SPMIP2: variants seen among roughly 807,000 people sequenced by gnomAD.
SPMIP2 encodes sperm microtubule inner protein 2, also known as protein SPMIP2.
chr4:159,041,405 G>T, the SPMIP2 span, among the ~76,000 whole-genome samples: 19 of 152,176 alleles, frequency 1.2e-4, no homozygotes, highest in Non-Finnish European at 2.4e-4. Context: ...TGTTATAGAA[G>T]CAATAATGGT....
chr4:158,899,982 T>A, the SPMIP2 span, among the ~76,000 whole-genome samples: 1 of 152,230 alleles, frequency 6.6e-6, no homozygotes, highest in Admixed American at 6.5e-5. Context: ...TTGTGGGCAT[T>A]TAGTGCTATA....
At chr4:158,964,561 T>TA in the SPMIP2 span, among the ~76,000 whole-genome samples, 1 of 152,174 alleles carries the variant, frequency 6.6e-6, no homozygotes, top group Non-Finnish European at 1.5e-5. Context: ...TGAGGCATTA[T>TA]AAAAAATGGC....
the SPMIP2 span, among the ~76,000 whole-genome samples, chr4:158,986,679 T>C: frequency 0.011 from 1,629 of 152,208 alleles, 18 homozygotes; most frequent in Middle Eastern, 0.048. Flanking sequence ...ATAAAAACCC[T>C]AGAAGAAAAC....
the SPMIP2 span, among the ~76,000 whole-genome samples, chr4:159,047,606 A>C: frequency 3.9e-5 from 6 of 152,206 alleles, no homozygotes; most frequent in Admixed American, 3.9e-4. Context: ...TCACATTGCC[A>C]CAGATTCTTG....
the SPMIP2 span, among the ~76,000 whole-genome samples, chr4:158,897,651 T>C: frequency 1.3e-5 from 2 of 152,252 alleles, no homozygotes; most frequent in Non-Finnish European, 2.9e-5. Context: ...TTTTGAGAAG[T>C]GTCTGTTCAT....
the SPMIP2 span, among the ~76,000 whole-genome samples, chr4:159,081,038 CT>C: frequency 0.48 from 56,707 of 117,966 alleles, 11,318 homozygotes; most frequent in Admixed American, 0.52. Context: ...GTTTCTTTCT[CT>C]TTTTTTTTTT....
the SPMIP2 span, among the ~76,000 whole-genome samples, chr4:158,958,652 C>T: frequency 6.6e-6 from 1 of 152,170 alleles, no homozygotes; most frequent in Non-Finnish European, 1.5e-5. Flanking sequence ...TCAGCACTAA[C>T]CTTTGCCCAG....
chr4:159,081,339 G>A, the SPMIP2 span, among the ~76,000 whole-genome samples: 2 of 151,836 alleles, frequency 1.3e-5, no homozygotes, highest in East Asian at 2.0e-4. Context: ...ATGGCCAGCC[G>A]ATTTTTTTCT....
At chr4:158,943,583 T>C in the SPMIP2 span, among the ~76,000 whole-genome samples, 2 of 152,154 alleles carry the variant, frequency 1.3e-5, no homozygotes, top group Non-Finnish European at 2.9e-5. Context: ...TTTTTTTTAA[T>C]AGCCAAAAAA....
At chr4:158,902,367 C>T in the SPMIP2 span, among the ~76,000 whole-genome samples, 3 of 152,192 alleles carry the variant, frequency 2.0e-5, no homozygotes, top group Admixed American at 2.0e-4. Flanking sequence ...AGCTTCGTCC[C>T]AGAGGGGCAC....
the SPMIP2 span, among the ~76,000 whole-genome samples, chr4:158,942,887 T>A: frequency 6.6e-6 from 1 of 152,336 alleles, no homozygotes; most frequent in East Asian, 1.9e-4. Flanking sequence ...AATTACCTAT[T>A]TATGTATTCT....
chr4:158,913,932 C>T, the SPMIP2 span, among the ~76,000 whole-genome samples: 7 of 151,472 alleles, frequency 4.6e-5, no homozygotes, highest in South Asian at 2.1e-4. Flanking sequence ...AGGAAGAAAG[C>T]GAACATAAAA....
the SPMIP2 span, among the ~76,000 whole-genome samples, chr4:158,990,589 A>G: frequency 6.6e-6 from 1 of 152,210 alleles, no homozygotes; most frequent in Non-Finnish European, 1.5e-5. Context: ...TTGCAGGGAC[A>G]TGGATGAAGC....
chr4:159,036,598 C>T, the SPMIP2 span, among the ~76,000 whole-genome samples: 1 of 152,200 alleles, frequency 6.6e-6, no homozygotes, highest in Non-Finnish European at 1.5e-5. Flanking sequence ...TCAGAGAACC[C>T]GACCTGAGAT....
the SPMIP2 span, among the ~76,000 whole-genome samples, chr4:158,960,971 A>T: frequency 6.9e-6 from 1 of 144,088 alleles, no homozygotes; most frequent in Non-Finnish European, 1.5e-5. Context: ...CTTCTCTAGG[A>T]ACTGTCAGAT....
chr4:158,979,717 C>T, the SPMIP2 span, among the ~76,000 whole-genome samples: 1 of 151,976 alleles, frequency 6.6e-6, no homozygotes, highest in Non-Finnish European at 1.5e-5. Context: ...CAGGTGCCTA[C>T]ACCACCAGGG....
At chr4:159,019,446 T>C in the SPMIP2 span, among the ~76,000 whole-genome samples, 1 of 152,146 alleles carries the variant, frequency 6.6e-6, no homozygotes, top group African/African-American at 2.4e-5. Context: ...CTTTCTCTGA[T>C]TGCAAGGAAG....
chr4:158,991,922 C>T, the SPMIP2 span, among the ~76,000 whole-genome samples: 1 of 152,018 alleles, frequency 6.6e-6, no homozygotes, highest in Non-Finnish European at 1.5e-5. Context: ...TTTTTAGAAA[C>T]AGGACCTTGC....
At chr4:159,026,839 A>G in the SPMIP2 span, among the ~76,000 whole-genome samples, 2 of 151,146 alleles carry the variant, frequency 1.3e-5, no homozygotes, top group South Asian at 4.1e-4. Flanking sequence ...CTTCCATCTT[A>G]GCTTATGCAG....
Sources: allele counts gnomAD v4.1 joint callset (sites outside exome capture counted in the v4.1 genomes callset), GRCh38; gene constraint gnomAD v4.1.1; transcripts MANE v1.5; gene names NCBI Gene and HGNC (gene_info 2026-07-23, HGNC 2026-07-21).